ISM1: variants seen among roughly 807,000 people sequenced by gnomAD.
The protein encoded by ISM1 is isthmin 1.
Under a neutral mutation model 46.3 loss-of-function variants are expected in ISM1, and 25 were observed. The observed-to-expected ratio is 0.54, with a 90% CI of 0.39 to 0.75. ISM1 has a LOEUF of 0.75. ISM1 is among the 30% of genes least tolerant of loss of function. The pLI, the probability that ISM1 is intolerant of heterozygous loss-of-function variation, is 0.00. For missense variants in ISM1, 536 were observed against 625.4 expected (o/e 0.86, Z 1.52); for synonymous variants, 255 against 256.7 (o/e 0.99, Z 0.06).
intron 1 of ISM1, among the ~76,000 whole-genome samples, chr20:13,241,472 A>G (rs978254841): frequency 3.9e-5 from 6 of 151,992 alleles, no homozygotes; most frequent in African/African-American, 1.2e-4. Flanking sequence ...CAAGAAGGCA[A>G]GGGGCTATGT....
downstream of ISM1, among the ~76,000 whole-genome samples, chr20:13,301,482 C>T (rs2040457944): frequency 6.6e-6 from 1 of 152,130 alleles, no homozygotes; most frequent in Non-Finnish European, 1.5e-5. Flanking sequence ...AAACACCATG[C>T]CCAGACATTT....
the ISM1 span, among the ~76,000 whole-genome samples, chr20:13,310,104 T>C: frequency 6.6e-6 from 1 of 152,154 alleles, no homozygotes; most frequent in South Asian, 2.1e-4. Flanking sequence ...AAAATTCATA[T>C]GGAAGCACAA....
intron 1 of ISM1, among the ~76,000 whole-genome samples, chr20:13,242,639 C>T (rs1446832207): frequency 6.6e-6 from 1 of 152,144 alleles, no homozygotes; most frequent in Non-Finnish European, 1.5e-5. Context: ...TGGTCCTGCA[C>T]TTCTCTTGAA....
intron 1 of ISM1, among the ~76,000 whole-genome samples, chr20:13,233,489 G>C (rs113779161): frequency 0.032 from 4,799 of 151,804 alleles, 258 homozygotes; most frequent in African/African-American, 0.11. Context: ...CAGCTACTCG[G>C]GAGGCTGAGG....
the ISM1 span, among the ~76,000 whole-genome samples, chr20:13,311,204 G>T: frequency 8.8e-6 from 1 of 113,698 alleles, no homozygotes. Context: ...CAAAAAAATA[G>T]ATATAGATAG....
chr20:13,241,957 A>C (rs2039729700), intron 1 of ISM1, among the ~76,000 whole-genome samples: 1 of 152,154 alleles, frequency 6.6e-6, no homozygotes, highest in South Asian at 2.1e-4. Context: ...CGTTGCAAGG[A>C]AATGATTAAA....
At chr20:13,324,165 G>A in the ISM1 span, among the ~76,000 whole-genome samples, 1 of 152,120 alleles carries the variant, frequency 6.6e-6, no homozygotes, top group African/African-American at 2.4e-5. Context: ...TAACCCTCAC[G>A]AATGCTTGTG....
intron 1 of ISM1, among the ~76,000 whole-genome samples, chr20:13,223,085 C>T (rs975388324): frequency 6.6e-6 from 1 of 151,900 alleles, no homozygotes; most frequent in Non-Finnish European, 1.5e-5. Flanking sequence ...ATTGCTTGAA[C>T]CCGGGAGGTT....
At chr20:13,315,956 A>G in the ISM1 span, among the ~76,000 whole-genome samples, 2 of 152,034 alleles carry the variant, frequency 1.3e-5, no homozygotes, top group African/African-American at 4.8e-5. Context: ...AATGAAAATG[A>G]AAACACAACT....
Position 13,221,809 on chromosome 20 carries a change from G to A in ISM1, c.33G>A (p.Leu11=). MVRLAAELLL[L]LGLLLLTLHI... ...GCCTGGCGGCCGAGCTGCTGCTGCT[G>A]CTGGGGCTGCTGCTGCTCACGCTGC... Residue 11 remains leucine (L), a synonymous_variant, in exon 1 of 6, where the codon CTG becomes CTA. Transcript: ENST00000262487. The A allele has an allele frequency of 6.9e-7, 1 of 1,457,380 alleles. No homozygotes were observed. The highest frequency in any genetic ancestry group is 2.5e-5 in the Admixed American group (1 of 40,302). 90.3% of individuals were successfully genotyped at this position (1,457,380 alleles called of 1,614,324 possible). A position where few individuals can be genotyped will look rare whatever the true frequency, so the allele number is the denominator to read the frequency against.
chr20:13,299,200 C>T lies in ISM1; in HGVS notation c.1136C>T (p.Thr379Met), dbSNP rs748209062. 15 of 1,603,146 alleles carry T rather than the reference C, an allele frequency of 9.4e-6. No homozygotes were observed. The highest frequency in any genetic ancestry group is 4.5e-5 in the East Asian group (2 of 44,258). The stretch of plus-strand genomic sequence containing the variant: ...TCCATGCTGTCCCTGGAGAGCACCA[C>T]GCTGGCGGCACAGCACTGCTGCTAC... ...IRSMLSLESTTLAAQHCCYGD... is the reference protein window; with the variant it reads ...IRSMLSLESTMLAAQHCCYGD... Residue 379 changes from threonine to methionine, a missense_variant, in exon 6 of 6, where the codon ACG becomes ATG. Around this residue, in one of 2 missense-constraint regions of ISM1, gnomAD observed 169 missense variants for 249.3 expected, o/e 0.68. Coordinates refer to ENST00000262487, the MANE Select transcript of ISM1 (RefSeq NM_080826.2). This position sits in a 1 kb window ranked among gnomAD's most constrained non-coding sequence, Gnocchi z 5.8.
intron 1 of ISM1, among the ~76,000 whole-genome samples, chr20:13,252,717 T>A (rs1245087339): frequency 6.6e-6 from 1 of 151,940 alleles, no homozygotes; most frequent in Non-Finnish European, 1.5e-5. Flanking sequence ...ACTGCACCAC[T>A]TGCACTCCAG....
At chr20:13,266,576 T>A (rs2040045296) in intron 1 of ISM1, among the ~76,000 whole-genome samples, 2 of 152,216 alleles carry the variant, frequency 1.3e-5, no homozygotes, top group South Asian at 4.1e-4. Context: ...TTGTCGATGT[T>A]AACTCATAGA....
intron 5 of ISM1, among the ~76,000 whole-genome samples, chr20:13,296,443 A>G (rs979863317): frequency 6.6e-6 from 1 of 152,224 alleles, no homozygotes; most frequent in African/African-American, 2.4e-5. Context: ...GAGGCAAGGG[A>G]TGTTATCTCC....
chr20:13,301,473 AAC>A (rs2123344959), downstream of ISM1, among the ~76,000 whole-genome samples: 1 of 152,280 alleles, frequency 6.6e-6, no homozygotes, highest in Non-Finnish European at 1.5e-5. Flanking sequence ...ACAAGCATGA[AAC>A]ACCATGCCCA....
At chr20:13,318,111 T>C in the ISM1 span, among the ~76,000 whole-genome samples, 3 of 140,176 alleles carry the variant, frequency 2.1e-5, no homozygotes, top group African/African-American at 7.8e-5. Flanking sequence ...ACCCGATTCT[T>C]TAAATGTTTC....
Position 13,221,783 on chromosome 20 carries a change from C to A in ISM1, c.7C>A (p.Arg3Ser), listed in dbSNP as rs1056433780. The A allele has an allele frequency of 6.9e-7, 1 of 1,448,750 alleles. No individual in the cohort carries two copies. Among genetic ancestry groups the A allele is most frequent in the Non-Finnish European group, 9.0e-7 (1 of 1,105,928 alleles). 89.7% of individuals were successfully genotyped at this position (1,448,750 alleles called of 1,614,324 possible). Residue 3 changes from arginine to serine, a missense_variant, in exon 1 of 6, where the codon CGC (arginine) becomes AGC (serine). Physicochemically the swap from Arg to Ser is moderately radical, Grantham distance 110. This residue lies in a region of ISM1 where 367 missense variants were observed against 376.1 expected (regional missense o/e 0.98). Transcript: ENST00000262487. ...AGCCGCGCGTCTCAAAAGGATGGTGCGCCTGGCGGCCGAGCTGCTGCTGCT... is the reference window on the plus strand; with the variant it reads ...AGCCGCGCGTCTCAAAAGGATGGTGAGCCTGGCGGCCGAGCTGCTGCTGCT... The part of the protein sequence containing the change: MV[R>S]LAAELLLLLG...
intron 1 of ISM1, among the ~76,000 whole-genome samples, chr20:13,257,007 T>C (rs540510166): frequency 6.6e-6 from 1 of 151,752 alleles, no homozygotes; most frequent in Non-Finnish European, 1.5e-5. Context: ...TGAAAGTGAG[T>C]GCTAGAAAAG....
intron 2 of ISM1, among the ~76,000 whole-genome samples, chr20:13,275,803 C>CA (rs1199379017): frequency 2.0e-5 from 3 of 152,112 alleles, no homozygotes; most frequent in African/African-American, 7.2e-5. Context: ...AGGAAATGTA[C>CA]AAAAAATTAA....
Sources: gnomAD v4.1 joint callset for allele counts (sites outside exome capture counted in the v4.1 genomes callset) on GRCh38, gnomAD v4.1.1 for gene constraint, gnomAD v4.1.1 regional missense constraint, Gnocchi (gnomAD v3.1) non-coding constraint, MANE v1.5 for transcripts, NCBI Gene and HGNC (gene_info 2026-07-23, HGNC 2026-07-21) for gene names.